ABI2: variants seen among roughly 807,000 people sequenced by gnomAD.
ABI2 encodes abl interactor 2.
In ABI2, 25 loss-of-function variants were observed where a neutral mutation model predicts 59.2. That is an observed-to-expected ratio of 0.42 (90% confidence interval 0.31 to 0.59). ABI2 has a LOEUF of 0.59. ABI2 is among the 20% of genes least tolerant of loss of function. The pLI is 0.14. For missense variants in ABI2, 545 were observed against 681.8 expected (o/e 0.80, Z 2.23); for synonymous variants, 213 against 235.5 (o/e 0.90, Z 0.87).
chr2:203,394,215 A>C (rs1207694747), intron 5 of ABI2: 1 of 152,636 alleles, frequency 6.6e-6, no homozygotes, highest in Non-Finnish European at 1.5e-5. Context: ...AAGGGAAATG[A>C]GTTGTTATGG....
intron 5 of ABI2, among the ~76,000 whole-genome samples, chr2:203,393,116 A>G (rs1281818393): frequency 6.6e-6 from 1 of 152,178 alleles, no homozygotes; most frequent in East Asian, 1.9e-4. Flanking sequence ...GCTCACTGCA[A>G]CCTCTGCCTT....
intron 9 of ABI2, among the ~76,000 whole-genome samples, chr2:203,409,730 C>G (rs1190267357): frequency 2.6e-5 from 4 of 152,142 alleles, no homozygotes; most frequent in African/African-American, 9.7e-5. Flanking sequence ...CTTTCCACAT[C>G]CATTGTCTTT....
At position 203,395,750 on chromosome 2, in the gene ABI2, C is replaced by A; in HGVS notation, c.820C>A (p.Pro274Thr). ...SGSVGVPIAVPTPSPPSVFPA... is the reference protein window; with the variant it reads ...SGSVGVPIAVTTPSPPSVFPA... Reference sequence around the variant, plus strand: ...TAGTGTGGGGGTTCCTATTGCTGTTCCTACTCCATCTCCTCCCAGTGTCTT... The same window carrying A: ...TAGTGTGGGGGTTCCTATTGCTGTTACTACTCCATCTCCTCCCAGTGTCTT... The change falls in exon 7 of 12, where the codon CCT (proline) becomes ACT (threonine). Residue 274 changes from proline to threonine, a missense_variant. By Grantham distance (38) the Pro-to-Thr change is conservative (BLOSUM62 -1). Coordinates refer to ENST00000261018, the MANE Select transcript of ABI2 (RefSeq NM_001375670.1). 1 of 1,606,348 alleles carries A rather than the reference C, an allele frequency of 6.2e-7. No individual in the cohort carries two copies. The highest frequency in any genetic ancestry group is 8.5e-7 in the Non-Finnish European group (1 of 1,176,466).
intron 4 of ABI2, among the ~76,000 whole-genome samples, chr2:203,383,958 G>A (rs573683539): frequency 6.6e-6 from 1 of 151,866 alleles, no homozygotes; most frequent in Non-Finnish European, 1.5e-5. Context: ...TCCAGAGAAA[G>A]TCATCATACT....
chr2:203,357,629 A>G (rs2092480582), intron 1 of ABI2, among the ~76,000 whole-genome samples: 1 of 152,268 alleles, frequency 6.6e-6, no homozygotes, highest in Non-Finnish European at 1.5e-5. Context: ...AGATGATATA[A>G]CATATTTTAA....
chr2:203,392,339 CAACAA>C (rs1269346120), intron 5 of ABI2, among the ~76,000 whole-genome samples: 6 of 119,592 alleles, frequency 5.0e-5, no homozygotes, highest in African/African-American at 1.9e-4. Flanking sequence ...ACAACAACAA[CAACAA>C]AACAACCACA....
intron 1 of ABI2, among the ~76,000 whole-genome samples, chr2:203,358,906 G>A (rs945383179): frequency 6.6e-6 from 1 of 152,136 alleles, no homozygotes; most frequent in African/African-American, 2.4e-5. Flanking sequence ...TAGCTGCTCC[G>A]GAGACTGAGG....
chr2:203,384,087 T>C (rs572149610), intron 4 of ABI2, among the ~76,000 whole-genome samples: 2 of 152,328 alleles, frequency 1.3e-5, no homozygotes, highest in South Asian at 4.1e-4. Flanking sequence ...AAATTTGGAT[T>C]AACTGTTTTT....
chr2:203,408,833 C>CTTTTTTTTTTTTTT lies in ABI2; in HGVS notation c.1193-2449_1193-2436dup, dbSNP rs1156536730. On this transcript the variant is annotated intron_variant, in intron 9 of 11. Coordinates refer to ENST00000261018, the MANE Select transcript of ABI2 (RefSeq NM_001375670.1). ...TTTTGTCTATGCTACCTTCTCCTTT[C>CTTTTTTTTTTTTTT]TTTTTTTTTTTTTTTTGAGACGGAG... 4.4e-3 allele frequency among the ~76,000 whole-genome samples: 381 copies of CTTTTTTTTTTTTTT among 87,162 alleles called. 48 individuals carry two copies. The highest frequency in any genetic ancestry group is 5.5e-3 in the Non-Finnish European group (229 of 41,732). 57.2% of individuals were successfully genotyped at this position (87,162 alleles called of 152,430 possible). A position where few individuals can be genotyped will look rare whatever the true frequency, so the allele number is the denominator to read the frequency against.
intron 4 of ABI2, among the ~76,000 whole-genome samples, chr2:203,385,626 T>G (rs1035125305): frequency 5.9e-5 from 9 of 152,224 alleles, no homozygotes; most frequent in African/African-American, 2.2e-4. Flanking sequence ...TAAATTCCCC[T>G]TATATTTCTA....
At position 203,416,746 on chromosome 2, in the gene ABI2, G is replaced by A. The variant is rs142427739; in HGVS notation, c.1280-162G>A. ...AACGTCATACTTGGAGCTCTAGAAC[G>A]TTATAGTTGGTGGGAAGACTTATCT... On this transcript the variant is annotated intron_variant, in intron 10 of 11. Coordinates refer to ENST00000261018, the MANE Select transcript of ABI2 (RefSeq NM_001375670.1). Among the ~76,000 whole-genome samples the A allele has an allele frequency of 2.3e-4, 35 of 152,276 alleles. No individual in the cohort carries two copies. In the East Asian group the frequency reaches 5.4e-3, roughly 23 times the overall value.
At chr2:203,360,824 ACTCAACACAAGGTT>A (rs1430356661) in intron 1 of ABI2, among the ~76,000 whole-genome samples, 1 of 152,154 alleles carries the variant, frequency 6.6e-6, no homozygotes, top group Admixed American at 6.6e-5. Context: ...TAGAACATTG[ACTCAACACAAGGTT>A]AAATGGGACT....
intron 1 of ABI2, among the ~76,000 whole-genome samples, chr2:203,360,076 T>C (rs2093216855): frequency 6.7e-6 from 1 of 150,164 alleles, no homozygotes; most frequent in African/African-American, 2.5e-5. Flanking sequence ...TCCCAGCTAC[T>C]CAGGAGGCTG....
intron 1 of ABI2, among the ~76,000 whole-genome samples, chr2:203,338,957 T>TAA (rs2078023831): frequency 4.1e-3 from 36 of 8,888 alleles, no homozygotes; most frequent in African/African-American, 6.9e-3. Flanking sequence ...TATATATATA[T>TAA]ATATAAATAT....
rs200198424 is a variant in ABI2, at chr2:203,350,862, TTGTG to T, written c.118-15988_118-15985del. 7.7e-3 allele frequency among the ~76,000 whole-genome samples: 1,064 copies of T among 137,852 alleles called. 13 individuals are homozygous for T. Among genetic ancestry groups the T allele is most frequent in the African/African-American group, 0.024 (924 of 38,090 alleles). 90.4% of individuals were successfully genotyped at this position (137,852 alleles called of 152,430 possible). On this transcript the variant is annotated intron_variant, in intron 1 of 11. Transcript: ENST00000261018. Reference sequence around the variant, plus strand: ...CTTTTCTTTGTTTTTGTTGTGTGTTTTGTGTGTGTGTGTGTGTGTGTGTGTGTGT... The same window carrying T: ...CTTTTCTTTGTTTTTGTTGTGTGTTTTGTGTGTGTGTGTGTGTGTGTGTGT...
At chr2:203,405,627 A>G (rs979944219) in intron 9 of ABI2, among the ~76,000 whole-genome samples, 10 of 152,180 alleles carry the variant, frequency 6.6e-5, no homozygotes, top group Admixed American at 5.2e-4. Flanking sequence ...CATATTTACA[A>G]TGAGAATATT....
intron 1 of ABI2, among the ~76,000 whole-genome samples, chr2:203,350,601 G>A (rs2087336800): frequency 6.7e-6 from 1 of 149,846 alleles, no homozygotes; most frequent in African/African-American, 2.5e-5. Flanking sequence ...GTGTAGTGGC[G>A]TGATCTCGGC....
intron 8 of ABI2, 60 bp downstream of exon 8, chr2:203,397,027 C>A: frequency 7.7e-7 from 1 of 1,301,562 alleles, no homozygotes; most frequent in Non-Finnish European, 9.7e-7. Context: ...CTCTTACTTG[C>A]ACCTCTGATT....
Position 203,367,191 on chromosome 2 carries a change from TTCTG to T in ABI2, c.285+151_285+154del, listed in dbSNP as rs956393230. 5 of 1,143,518 alleles carry T rather than the reference TTCTG, an allele frequency of 4.4e-6. No individual in the cohort carries two copies. The African/African-American group carries it at 4.8e-5, about 11-fold the overall frequency. The allele number at this position is 1,143,518 out of a possible 1,614,324, so 70.8% of individuals were successfully genotyped here. A position where few individuals can be genotyped will look rare whatever the true frequency, so the allele number is the denominator to read the frequency against. On this transcript the variant is annotated intron_variant, in intron 2 of 11. Transcript: ENST00000261018. The stretch of plus-strand genomic sequence containing the variant: ...AACTTAATATTAGGTTGTTTTTAGA[TTCTG>T]TCTTTTTGTGGGATGGTTATCTTCT...
Sources: gnomAD v4.1 joint callset for allele counts (sites outside exome capture counted in the v4.1 genomes callset) on GRCh38, gnomAD v4.1.1 for gene constraint, MANE v1.5 for transcripts, NCBI Gene and HGNC (gene_info 2026-07-23, HGNC 2026-07-21) for gene names.